Variants in FAM98B observed in about 807,000 individuals in gnomAD.
The protein encoded by FAM98B is tRNA splicing ligase complex subunit 3B.
FAM98B carries 32 observed loss-of-function variants against 43.9 expected under a neutral mutation model. The ratio of observed to expected loss-of-function variants is 0.73; its 90% CI spans 0.55 to 0.98. The LOEUF is 0.98. Ranked by LOEUF, FAM98B falls within the 50% of genes least tolerant of loss-of-function variation. The pLI is 0.00. For synonymous variants in FAM98B, 190 were observed against 174.0 expected (o/e 1.09, Z -0.72); for missense variants, 514 against 522.9 (o/e 0.98, Z 0.17).
In FAM98B at chr15:38,484,371, GGGT is replaced by G. The variant is rs772344173; in HGVS notation, c.1026_1028del (p.Gly346del). 48 of 1,514,104 alleles carry G rather than the reference GGGT, an allele frequency of 3.2e-5. No individual in the cohort carries two copies. Among genetic ancestry groups the G allele is most frequent in the Non-Finnish European group, 3.4e-5 (39 of 1,133,334 alleles). 93.8% of individuals were successfully genotyped at this position (1,514,104 alleles called of 1,614,324 possible). A position where few individuals can be genotyped will look rare whatever the true frequency, so the allele number is the denominator to read the frequency against. On this transcript the variant is annotated inframe_deletion, in exon 8 of 8. Coordinates refer to ENST00000397609, the MANE Select transcript of FAM98B (RefSeq NM_173611.4). ...AAGGCGGCGGTGGAAGGGGTGGTTG[GGGT>G]GGTGGTGGTGGAGGTGGTGGTAGAG... is the stretch of plus-strand genomic sequence containing the variant.
At chr15:38,454,739 C>T (rs1030782055) in intron 1 of FAM98B, among the ~76,000 whole-genome samples, 4 of 152,172 alleles carry the variant, frequency 2.6e-5, no homozygotes, top group Admixed American at 2.0e-4. Flanking sequence ...ACCATTTCGT[C>T]CGTTCGTCAA....
chr15:38,467,469 AG>A (rs1209018603), intron 3 of FAM98B, among the ~76,000 whole-genome samples: 2 of 152,184 alleles, frequency 1.3e-5, no homozygotes, highest in Non-Finnish European at 2.9e-5. Context: ...CACTTATGAC[AG>A]GATACCATTT....
chr15:38,469,920 G>A (rs970803029), intron 3 of FAM98B, among the ~76,000 whole-genome samples: 1 of 151,908 alleles, frequency 6.6e-6, no homozygotes, highest in Non-Finnish European at 1.5e-5. Context: ...GGGCTCCTCC[G>A]GTGTGAAAAG....
intron 1 of FAM98B, among the ~76,000 whole-genome samples, chr15:38,461,501 T>TTC (rs1889945712): frequency 6.6e-6 from 1 of 152,088 alleles, no homozygotes; most frequent in Non-Finnish European, 1.5e-5. Flanking sequence ...AGAATTAGGA[T>TTC]AATGCTAACT....
At chr15:38,457,693 A>C (rs1166074922) in intron 1 of FAM98B, among the ~76,000 whole-genome samples, 1 of 152,168 alleles carries the variant, frequency 6.6e-6, no homozygotes, top group Non-Finnish European at 1.5e-5. Context: ...TGTAATGGCA[A>C]GAATAGAGGT....
intron 1 of FAM98B, 38 bp from the exon 2 acceptor site, chr15:38,463,994 G>T (rs778727938): frequency 2.6e-6 from 4 of 1,556,570 alleles, no homozygotes; most frequent in Middle Eastern, 2.1e-4. Flanking sequence ...TGTTTGATTG[G>T]CTTATTTAGT....
At chr15:38,479,169 T>C (rs934560671) in intron 6 of FAM98B, among the ~76,000 whole-genome samples, 1 of 152,138 alleles carries the variant, frequency 6.6e-6, no homozygotes, top group Non-Finnish European at 1.5e-5. Context: ...GGTTTTGCCA[T>C]GTTGCCCAGG....
At chr15:38,470,459 T>G (rs1890113396) in intron 4 of FAM98B, 54 bp downstream of exon 4, 1 of 1,433,318 alleles carries the variant, frequency 7.0e-7, no homozygotes, top group Non-Finnish European at 9.5e-7. Flanking sequence ...AACATGTAAG[T>G]GCTATATTAA....
At position 38,465,369 on chromosome 15, in the gene FAM98B, T is replaced by C; in HGVS notation, c.318T>C (p.Arg106=). 6.2e-7 allele frequency: 1 copy of C among 1,603,994 alleles called. No homozygotes were observed. The highest frequency in any genetic ancestry group is 8.5e-7 in the Non-Finnish European group (1 of 1,176,396). Residue 106 remains arginine, a synonymous_variant, in exon 3 of 8, where the codon CGT becomes CGC. Coordinates refer to ENST00000397609, the MANE Select transcript of FAM98B (RefSeq NM_173611.4). ...SVLISGDIKD[R]LKKKEDCLKL... is the part of the protein sequence containing the mutation. ...TCATATCAGGAGATATTAAAGATCG[T>C]TTAAAAAAGAAGGAGGACTGTTTGA...
intron 4 of FAM98B, 185 bp downstream of exon 4, chr15:38,470,590 A>G: frequency 4.5e-6 from 2 of 442,144 alleles, no homozygotes; most frequent in South Asian, 4.9e-5. Flanking sequence ...AGTAGCTGAT[A>G]TTCAGGAATC....
intron 1 of FAM98B, chr15:38,458,706 G>A (rs1014889844): frequency 7.6e-6 from 2 of 262,660 alleles, no homozygotes; most frequent in African/African-American, 4.5e-5. Flanking sequence ...GCACAGCATA[G>A]GAAAGACCCT....
intron 6 of FAM98B, among the ~76,000 whole-genome samples, chr15:38,476,373 A>G (rs895088237): frequency 1.3e-5 from 2 of 151,564 alleles, no homozygotes; most frequent in African/African-American, 4.9e-5. Flanking sequence ...ATTGTGCCCT[A>G]CTAGATGGAC....
intron 6 of FAM98B, among the ~76,000 whole-genome samples, chr15:38,476,018 A>G (rs1408349417): frequency 6.6e-6 from 1 of 152,064 alleles, no homozygotes; most frequent in Non-Finnish European, 1.5e-5. Context: ...TCTAGATCCC[A>G]TGGCTCACTC....
chr15:38,466,462 T>A (rs1044057947), intron 3 of FAM98B, among the ~76,000 whole-genome samples: 1 of 152,110 alleles, frequency 6.6e-6, no homozygotes, highest in Non-Finnish European at 1.5e-5. Context: ...TATCAGTCAA[T>A]GAGAATTATG....
intron 4 of FAM98B, among the ~76,000 whole-genome samples, chr15:38,471,959 G>T (rs868198333): frequency 3.3e-5 from 5 of 152,122 alleles, no homozygotes; most frequent in Non-Finnish European, 7.4e-5. Context: ...ATCACCCGTG[G>T]TTATGGGTAA....
Position 38,470,361 on chromosome 15 carries a change from A to G in FAM98B, c.487A>G (p.Thr163Ala), listed in dbSNP as rs1212352706. The G allele has an allele frequency of 3.7e-6, 6 of 1,602,468 alleles. No individual in the cohort carries two copies. The highest frequency in any genetic ancestry group is 2.2e-5 in the East Asian group (1 of 44,654). ...TGATACACTTGGTATACCCAAGTCA[A>G]CAACTTCTGACATTCCGCATATGCT... ...MFDTLGIPKS[T>A]TSDIPHMLNQ... The change falls in exon 4 of 8, where the codon ACA (threonine) becomes GCA (alanine). Residue 163 changes from threonine (T) to alanine (A), a missense_variant. Coordinates refer to ENST00000397609, the MANE Select transcript of FAM98B (RefSeq NM_173611.4).
chr15:38,455,034 T>C (rs1476726088), intron 1 of FAM98B, among the ~76,000 whole-genome samples: 1 of 152,204 alleles, frequency 6.6e-6, no homozygotes, highest in African/African-American at 2.4e-5. Flanking sequence ...CAAATTATCA[T>C]GTCCTGCCCA....
chr15:38,475,026 G>A (rs1229753436), intron 6 of FAM98B, among the ~76,000 whole-genome samples: 2 of 150,542 alleles, frequency 1.3e-5, no homozygotes, highest in Admixed American at 6.6e-5. Flanking sequence ...ATCTGGTGCC[G>A]ATTACTGTAT....
At chr15:38,481,735 A>G in intron 7 of FAM98B, 1 of 969,386 alleles carries the variant, frequency 1.0e-6, no homozygotes, top group Non-Finnish European at 1.5e-6. Flanking sequence ...CTTTCTAAAA[A>G]GTAATCATTT....
Sources: allele counts gnomAD v4.1 joint callset (sites outside exome capture counted in the v4.1 genomes callset), GRCh38; gene constraint gnomAD v4.1.1; transcripts MANE v1.5; gene names NCBI Gene and HGNC (gene_info 2026-07-23, HGNC 2026-07-21).